RUBCN: variants seen among roughly 807,000 people sequenced by gnomAD.
The protein encoded by RUBCN is run domain Beclin-1-interacting and cysteine-rich domain-containing protein.
Under a neutral mutation model 113.2 loss-of-function variants are expected in RUBCN, and 74 were observed. The ratio of observed to expected loss-of-function variants is 0.65; its 90% CI spans 0.54 to 0.79. The LOEUF is 0.79. Among genes scored for constraint, RUBCN ranks in the 30% least tolerant of loss-of-function variants. The pLI, the probability that RUBCN is intolerant of heterozygous loss-of-function variation, is 0.00. For missense variants in RUBCN, 1,109 were observed against 1,251.7 expected (o/e 0.89, Z 1.72); for synonymous variants, 480 against 490.0 (o/e 0.98, Z 0.27).
chr3:197,687,373 C>T (rs370154025), intron 11 of RUBCN, among the ~76,000 whole-genome samples: 1 of 152,224 alleles, frequency 6.6e-6, no homozygotes, highest in African/African-American at 2.4e-5. Flanking sequence ...AGCTCATCAA[C>T]GTTCCTTTTT....
chr3:197,716,453 G>T (rs1490112865), intron 2 of RUBCN, among the ~76,000 whole-genome samples: 1 of 152,182 alleles, frequency 6.6e-6, no homozygotes, highest in African/African-American at 2.4e-5. Context: ...AACATTTCAT[G>T]CATGAAAGTC....
rs887866261 is a variant in RUBCN, at chr3:197,674,381, G to C, written c.*637C>G. 1 of 253,964 alleles carries C rather than the reference G, an allele frequency of 3.9e-6. No homozygotes were observed. The highest frequency in any genetic ancestry group is 2.3e-5 in the African/African-American group (1 of 43,512). The allele number at this position is 253,964 out of a possible 1,614,324, so 15.7% of individuals were successfully genotyped here. On this transcript the variant is annotated 3_prime_UTR_variant, in exon 20 of 20. Transcript: ENST00000296343. ...TCTATGCTTCAAATATTTCAAACAG[G>C]AACTCCCGGCAACATAGGGACATTC...
intron 1 of RUBCN, among the ~76,000 whole-genome samples, chr3:197,733,552 C>T (rs924124036): frequency 4.6e-5 from 7 of 152,110 alleles, no homozygotes; most frequent in Non-Finnish European, 1.0e-4. Context: ...CTGGGTATTT[C>T]ATTGGCCATA....
upstream of RUBCN, among the ~76,000 whole-genome samples, chr3:197,740,002 T>G (rs1047349051): frequency 6.6e-6 from 1 of 151,940 alleles, no homozygotes; most frequent in Non-Finnish European, 1.5e-5. Context: ...ATTGTACCAC[T>G]GCACTCCACC....
Position 197,670,714 on chromosome 3 carries a change from A to T in RUBCN, c.*4304T>A, listed in dbSNP as rs1560385337. Among the ~76,000 whole-genome samples, 1 of 152,204 alleles carries T rather than the reference A, an allele frequency of 6.6e-6. No homozygotes were observed. Among genetic ancestry groups the T allele is most frequent in the South Asian group, 2.1e-4 (1 of 4,830 alleles). On this transcript the variant is annotated 3_prime_UTR_variant, in exon 20 of 20. Transcript: ENST00000296343. ...CTCAGTTTAATTTGTAAATATGAAGATTTTTAAATATGTAGGGTGTGTTTA... is the reference window on the plus strand; with the variant it reads ...CTCAGTTTAATTTGTAAATATGAAGTTTTTTAAATATGTAGGGTGTGTTTA...
At chr3:197,695,141 G>T (rs1332097723) in intron 9 of RUBCN, among the ~76,000 whole-genome samples, 8 of 142,156 alleles carry the variant, frequency 5.6e-5, no homozygotes, top group Admixed American at 6.9e-5. Context: ...CCCAGACGCA[G>T]CGGCTCACAC....
chr3:197,675,826 A>T lies in RUBCN; in HGVS notation c.2647-311T>A, dbSNP rs1250971274. Among the ~76,000 whole-genome samples the T allele has an allele frequency of 6.6e-6, 1 of 152,250 alleles. No homozygotes were observed. The highest frequency in any genetic ancestry group is 2.4e-5 in the African/African-American group (1 of 41,458). ...CTAAGCCGACAGTCCCATCTGGGTC[A>T]TGATTTTATTTCAGAATAGGAACCA... is the stretch of plus-strand genomic sequence containing the variant. On this transcript the variant is annotated intron_variant, in intron 18 of 19. Coordinates refer to ENST00000296343, the MANE Select transcript of RUBCN (RefSeq NM_014687.4). This position sits in a 1 kb window ranked among gnomAD's most constrained non-coding sequence, Gnocchi z 4.4.
At chr3:197,727,106 A>C (rs1726850203) in intron 1 of RUBCN, among the ~76,000 whole-genome samples, 1 of 151,490 alleles carries the variant, frequency 6.6e-6, no homozygotes, top group African/African-American at 2.4e-5. Flanking sequence ...TGCCCAGCTA[A>C]TTTTTGTATT....
intron 7 of RUBCN, among the ~76,000 whole-genome samples, chr3:197,698,373 C>T (rs1384965065): frequency 1.3e-5 from 2 of 152,256 alleles, no homozygotes; most frequent in African/African-American, 4.8e-5. Context: ...CTTGCAGACA[C>T]ATTCCAGTGT....
At chr3:197,723,797 T>C (rs1296912479) in intron 1 of RUBCN, among the ~76,000 whole-genome samples, 3 of 151,918 alleles carry the variant, frequency 2.0e-5, no homozygotes. Flanking sequence ...AATGGAGAAA[T>C]AAAATATCCT....
intron 2 of RUBCN, among the ~76,000 whole-genome samples, chr3:197,705,806 C>A (rs1724237951): frequency 6.6e-6 from 1 of 152,098 alleles, no homozygotes. Context: ...CAGCTCACTG[C>A]AACCTCCACC....
Position 197,681,100 on chromosome 3 carries a change from C to G in RUBCN, c.2430+29G>C. On this transcript the variant is annotated intron_variant, in intron 16 of 19. Coordinates refer to ENST00000296343, the MANE Select transcript of RUBCN (RefSeq NM_014687.4). The surrounding 1 kb of genome is among the most constrained non-coding windows in gnomAD (Gnocchi z 5.5). ...GGATGAGGGGAGGAGAAGGGCAAGA[C>G]TCTAAGGTGGCCTTTTCCAAGGTCT... The G allele has an allele frequency of 6.8e-7, 1 of 1,476,260 alleles. No homozygotes were observed. The allele number at this position is 1,476,260 out of a possible 1,614,324, so 91.4% of individuals were successfully genotyped here.
chr3:197,715,494 C>T (rs1725425651), intron 2 of RUBCN, among the ~76,000 whole-genome samples: 1 of 152,028 alleles, frequency 6.6e-6, no homozygotes, highest in South Asian at 2.1e-4. Context: ...TTTAATGAGT[C>T]ATTGTGTCCT....
intron 1 of RUBCN, among the ~76,000 whole-genome samples, chr3:197,722,613 TATATACAG>T (rs1384922848): frequency 6.6e-6 from 1 of 150,596 alleles, no homozygotes; most frequent in African/African-American, 2.4e-5. Flanking sequence ...CATGCATGCA[TATATACAG>T]GCATCCAACA....
At chr3:197,738,766 A>G (rs1240990303), upstream of RUBCN, among the ~76,000 whole-genome samples, 2 of 150,122 alleles carry the variant, frequency 1.3e-5, 1 homozygote, top group Middle Eastern at 6.9e-3. Context: ...TTTTTTTTTA[A>G]TTTTTGGTAG....
At chr3:197,713,778 T>C (rs1725213085) in intron 2 of RUBCN, among the ~76,000 whole-genome samples, 1 of 151,532 alleles carries the variant, frequency 6.6e-6, no homozygotes, top group Non-Finnish European at 1.5e-5. Flanking sequence ...CAGAACTGCA[T>C]TAAAAAAAAT....
chr3:197,746,820 A>G (rs780648921), intron 1 of RUBCN, among the ~76,000 whole-genome samples: 14 of 152,190 alleles, frequency 9.2e-5, no homozygotes, highest in Non-Finnish European at 1.6e-4. Context: ...GTACACCAAC[A>G]AAGGCTGAAT....
At chr3:197,732,867 A>C (rs1384607203) in intron 1 of RUBCN, among the ~76,000 whole-genome samples, 1 of 152,182 alleles carries the variant, frequency 6.6e-6, no homozygotes, top group Non-Finnish European at 1.5e-5. Flanking sequence ...GCAAACAGTC[A>C]CTTGTGGGGG....
At chr3:197,731,819 C>T (rs956562103) in intron 1 of RUBCN, among the ~76,000 whole-genome samples, 2 of 152,186 alleles carry the variant, frequency 1.3e-5, no homozygotes, top group South Asian at 2.1e-4. Context: ...CACCTCCCTC[C>T]GGGACAGGGC....
Sources: gnomAD v4.1 joint callset for allele counts (sites outside exome capture counted in the v4.1 genomes callset) on GRCh38, gnomAD v4.1.1 for gene constraint, Gnocchi (gnomAD v3.1) non-coding constraint, MANE v1.5 for transcripts, NCBI Gene and HGNC (gene_info 2026-07-23, HGNC 2026-07-21) for gene names.